Variants in FGD4 observed in about 807,000 individuals in gnomAD.
FGD4 encodes FYVE, RhoGEF and PH domain containing 4.
Under a neutral mutation model 102.0 loss-of-function variants are expected in FGD4, and 42 were observed. The ratio of observed to expected loss-of-function variants is 0.41; its 90% CI spans 0.32 to 0.53. The LOEUF (loss-of-function observed/expected upper bound fraction) is 0.53, where lower values mean the gene tolerates loss of function less well. Among genes scored for constraint, FGD4 ranks in the 20% least tolerant of loss-of-function variants. FGD4 has a pLI of 0.21. For missense variants in FGD4, 902 were observed against 1,078.2 expected (o/e 0.84, Z 2.29); for synonymous variants, 380 against 375.7 (o/e 1.01, Z -0.13).
chr12:32,592,264 G>C (rs1162150707), intron 4 of FGD4, among the ~76,000 whole-genome samples: 1 of 151,496 alleles, frequency 6.6e-6, no homozygotes. Context: ...TGTATTTTCA[G>C]TAGAGATGGG....
At chr12:32,529,146 C>T (rs188532259) in intron 1 of FGD4, among the ~76,000 whole-genome samples, 20 of 152,248 alleles carry the variant, frequency 1.3e-4, no homozygotes, top group Admixed American at 6.5e-5. Flanking sequence ...GACGCAGTCT[C>T]ACTCTGTCCC....
At chr12:32,575,698 TAA>T (rs1217860806) in intron 2 of FGD4, among the ~76,000 whole-genome samples, 1 of 152,232 alleles carries the variant, frequency 6.6e-6, no homozygotes, top group Non-Finnish European at 1.5e-5. Flanking sequence ...GAGAGAACTA[TAA>T]AGTATAAAAT....
chr12:32,405,748 G>C (rs190432546), intron 1 of FGD4, among the ~76,000 whole-genome samples: 1 of 152,048 alleles, frequency 6.6e-6, no homozygotes, highest in Admixed American at 6.6e-5. Context: ...TTGATTGGGG[G>C]TCTGCCTGAG....
chr12:32,415,671 T>C (rs999873315), intron 1 of FGD4, among the ~76,000 whole-genome samples: 6 of 152,180 alleles, frequency 3.9e-5, no homozygotes, highest in African/African-American at 1.4e-4. Context: ...TCTGCCCGCA[T>C]TGGCCTCCCA....
At chr12:32,534,776 G>A (rs1389255482) in intron 1 of FGD4, among the ~76,000 whole-genome samples, 1 of 152,154 alleles carries the variant, frequency 6.6e-6, no homozygotes, top group African/African-American at 2.4e-5. Context: ...TGGAAATTTG[G>A]TCATTGAGGG....
chr12:32,481,344 AG>A (rs1489343123), intron 1 of FGD4, among the ~76,000 whole-genome samples: 1 of 152,154 alleles, frequency 6.6e-6, no homozygotes, highest in Non-Finnish European at 1.5e-5. Context: ...CAAGTGTTCT[AG>A]TTTTCATATT....
At chr12:32,469,694 T>C (rs1189721381) in intron 1 of FGD4, among the ~76,000 whole-genome samples, 1 of 144,054 alleles carries the variant, frequency 6.9e-6, no homozygotes, top group African/African-American at 2.6e-5. Context: ...AGTTTTGCTC[T>C]TGTTGCCCAG....
At chr12:32,627,734 C>T (rs751218625) in intron 14 of FGD4, among the ~76,000 whole-genome samples, 1 of 151,940 alleles carries the variant, frequency 6.6e-6, no homozygotes, top group East Asian at 1.9e-4. Flanking sequence ...GCAGATAGCA[C>T]GGTTTATCCA....
At chr12:32,563,695 C>T (rs1436130669) in intron 1 of FGD4, among the ~76,000 whole-genome samples, 2 of 152,204 alleles carry the variant, frequency 1.3e-5, no homozygotes, top group Admixed American at 6.5e-5. Flanking sequence ...CGCCACTGCA[C>T]TCCAGCCTGG....
rs150656949 is a variant in FGD4, at chr12:32,527,810, TAGATA to T, written c.167-36322_167-36318del. Reference sequence around the variant, plus strand: ...AAAGTATTACCAACTGAAATCCTTATAGATAAGATCAGAGAGATTGTAAATTGGGG... The same window carrying T: ...AAAGTATTACCAACTGAAATCCTTATAGATCAGAGAGATTGTAAATTGGGG... On this transcript the variant is annotated intron_variant, in intron 1 of 16. Transcript: ENST00000534526. 2.3e-3 allele frequency among the ~76,000 whole-genome samples: 357 copies of T among 152,268 alleles called. 1 individual carries two copies. The highest frequency in any genetic ancestry group is 0.011 in the South Asian group (51 of 4,828).
chr12:32,628,288 G>A (rs571184036), intron 14 of FGD4, among the ~76,000 whole-genome samples: 51 of 152,140 alleles, frequency 3.4e-4, no homozygotes, highest in Admixed American at 1.2e-3. Flanking sequence ...AGCTGCCAGG[G>A]GTTTTTGAAG....
chr12:32,627,161 T>TC (rs1491182008), intron 14 of FGD4, among the ~76,000 whole-genome samples: 4 of 143,782 alleles, frequency 2.8e-5, no homozygotes, highest in Admixed American at 1.4e-4. Context: ...ACATTTTTTT[T>TC]CTTTTTTTTT....
At chr12:32,602,688 T>C (rs79666120) in intron 7 of FGD4, among the ~76,000 whole-genome samples, 8,723 of 152,320 alleles carry the variant, frequency 0.057, 297 homozygotes, top group African/African-American at 0.071. Context: ...TAATCATTCT[T>C]TTTTTGTCAC....
chr12:32,467,712 GTCT>G (rs1300788042), intron 1 of FGD4, among the ~76,000 whole-genome samples: 5 of 151,830 alleles, frequency 3.3e-5, no homozygotes, highest in African/African-American at 1.2e-4. Flanking sequence ...CCTTCCACTG[GTCT>G]TCTTTAATTT....
At chr12:32,487,248 A>G (rs1178967458) in intron 1 of FGD4, among the ~76,000 whole-genome samples, 1 of 152,172 alleles carries the variant, frequency 6.6e-6, no homozygotes, top group Non-Finnish European at 1.5e-5. Context: ...TGATTTTAAG[A>G]TAACAATAAT....
intron 1 of FGD4, among the ~76,000 whole-genome samples, chr12:32,402,505 AG>A (rs1940725648): frequency 6.6e-6 from 1 of 151,952 alleles, no homozygotes; most frequent in Admixed American, 6.6e-5. Context: ...GCCTATTCAT[AG>A]GTACAATCGT....
rs1946931290 is a variant in FGD4, at chr12:32,585,255, TA to T, written c.1011+2789del. On this transcript the variant is annotated intron_variant, in intron 4 of 16. Transcript: ENST00000534526. Reference sequence around the variant, plus strand: ...ATATATATATATATATATATATATATATGTATATCTTAAAGGCAACTTTTCT... The same window carrying T: ...ATATATATATATATATATATATATATTGTATATCTTAAAGGCAACTTTTCT... Among the ~76,000 whole-genome samples the T allele has an allele frequency of 2.2e-5, 3 of 136,672 alleles. No homozygotes were observed. In the South Asian group the frequency reaches 6.7e-4, roughly 30 times the overall value. 89.7% of individuals were successfully genotyped at this position (136,672 alleles called of 152,430 possible).
intron 1 of FGD4, among the ~76,000 whole-genome samples, chr12:32,529,711 C>G (rs1941607268): frequency 6.6e-6 from 1 of 151,588 alleles, no homozygotes; most frequent in African/African-American, 2.4e-5. Context: ...GACATGGTGG[C>G]CCATACCTGT....
chr12:32,456,551 C>T (rs571985266), intron 1 of FGD4, among the ~76,000 whole-genome samples: 39 of 152,204 alleles, frequency 2.6e-4, no homozygotes, highest in African/African-American at 9.1e-4. Context: ...CAAAGTAACT[C>T]GTGGGAGGAT....
Sources: allele counts gnomAD v4.1 joint callset (sites outside exome capture counted in the v4.1 genomes callset), GRCh38; gene constraint gnomAD v4.1.1; transcripts MANE v1.5; gene names NCBI Gene and HGNC (gene_info 2026-07-23, HGNC 2026-07-21).